Variants in CABCOCO1 observed in about 807,000 individuals in gnomAD.
The protein encoded by CABCOCO1 is ciliary-associated calcium-binding coiled-coil protein 1.
CABCOCO1 carries 28 observed loss-of-function variants against 35.7 expected under a neutral mutation model. That is an observed-to-expected ratio of 0.78 (90% CI 0.58 to 1.07). CABCOCO1 has a LOEUF of 1.07. Among genes scored for constraint, CABCOCO1 ranks in the 50% least tolerant of loss-of-function variants. The probability of loss-of-function intolerance (pLI) is 0.00; values close to 1 mark genes in which losing one functional copy is unlikely to be tolerated. For missense variants in CABCOCO1, 326 were observed against 309.2 expected (o/e 1.05, Z -0.41); for synonymous variants, 95 against 100.1 (o/e 0.95, Z 0.30).
intron 5 of CABCOCO1, among the ~76,000 whole-genome samples, chr10:61,714,891 T>G (rs960645844): frequency 3.9e-5 from 6 of 152,190 alleles, no homozygotes; most frequent in African/African-American, 1.4e-4. Context: ...TTGTTGTGAT[T>G]TCTGTTCTTT....
chr10:61,718,177 C>T (rs1840913217), intron 5 of CABCOCO1, among the ~76,000 whole-genome samples: 1 of 152,122 alleles, frequency 6.6e-6, no homozygotes, highest in South Asian at 2.1e-4. Context: ...AATCTTCCTA[C>T]TTGTTTTCCA....
At chr10:61,710,216 G>A (rs551421917) in intron 5 of CABCOCO1, among the ~76,000 whole-genome samples, 4 of 151,048 alleles carry the variant, frequency 2.6e-5, no homozygotes, top group South Asian at 2.1e-4. Flanking sequence ...TTTTGTGACC[G>A]GAGACTTGAC....
At chr10:61,675,845 T>C (rs990252858) in intron 2 of CABCOCO1, among the ~76,000 whole-genome samples, 1 of 152,056 alleles carries the variant, frequency 6.6e-6, no homozygotes, top group African/African-American at 2.4e-5. Context: ...AAGTCAGTAA[T>C]GTGGAAGACA....
At chr10:61,665,661 G>A (rs555192416) in intron 1 of CABCOCO1, among the ~76,000 whole-genome samples, 61 of 152,132 alleles carry the variant, frequency 4.0e-4, no homozygotes, top group African/African-American at 1.4e-3. Context: ...GCCGAGGCGG[G>A]CGGATCACGA....
chr10:61,756,398 T>A (rs1841898415), intron 5 of CABCOCO1, among the ~76,000 whole-genome samples: 2 of 152,092 alleles, frequency 1.3e-5, no homozygotes, highest in Non-Finnish European at 2.9e-5. Context: ...TATGTTCACT[T>A]AACAGTCCAT....
chr10:61,765,951 G>C lies in CABCOCO1; in HGVS notation c.829G>C (p.Glu277Gln). ...ATTGTCTTCACAGACCGAGATAAAC[G>C]AAAAACTGCAAATACAGGAAGAGGC... ...ILIGIQTEINEKLQIQEEAFN... is the reference protein window; with the variant it reads ...ILIGIQTEINQKLQIQEEAFN... The change falls in exon 8 of 8, where the codon GAA (glutamate) becomes CAA (glutamine). Residue 277 changes from glutamate to glutamine, a missense_variant. By Grantham distance (29) the Glu-to-Gln change is conservative (BLOSUM62 2). Transcript: ENST00000648843. 6.2e-6 allele frequency: 10 copies of C among 1,612,950 alleles called. No individual in the cohort carries two copies. The highest frequency in any genetic ancestry group is 8.5e-6 in the Non-Finnish European group (10 of 1,179,412).
At chr10:61,688,852 A>G (rs1227318875) in intron 4 of CABCOCO1, among the ~76,000 whole-genome samples, 7 of 152,212 alleles carry the variant, frequency 4.6e-5, no homozygotes, top group Non-Finnish European at 2.9e-5. Flanking sequence ...AAAATGCATT[A>G]TCGCAGCTGA....
intron 4 of CABCOCO1, among the ~76,000 whole-genome samples, chr10:61,687,629 A>G (rs1335557503): frequency 1.3e-5 from 2 of 152,112 alleles, no homozygotes; most frequent in African/African-American, 4.8e-5. Flanking sequence ...TCTCTGGGCA[A>G]ATGTTCATCT....
At chr10:61,673,377 C>T (rs1282647543) in intron 2 of CABCOCO1, among the ~76,000 whole-genome samples, 1 of 152,006 alleles carries the variant, frequency 6.6e-6, no homozygotes, top group Non-Finnish European at 1.5e-5. Context: ...TAGTAATCAC[C>T]CATTTAAAAA....
At chr10:61,691,714 A>G (rs1417120873) in intron 5 of CABCOCO1, among the ~76,000 whole-genome samples, 1 of 151,190 alleles carries the variant, frequency 6.6e-6, no homozygotes, top group African/African-American at 2.4e-5. Flanking sequence ...TCATTGTTCA[A>G]CTCCCACTTA....
intron 5 of CABCOCO1, among the ~76,000 whole-genome samples, chr10:61,725,314 G>A (rs931085342): frequency 7.2e-5 from 11 of 152,206 alleles, no homozygotes; most frequent in East Asian, 3.9e-4. Flanking sequence ...GCACACATAC[G>A]TTTACTGCAG....
intron 5 of CABCOCO1, among the ~76,000 whole-genome samples, chr10:61,727,533 T>C (rs1431077041): frequency 6.6e-6 from 1 of 152,138 alleles, no homozygotes; most frequent in African/African-American, 2.4e-5. Flanking sequence ...AAGAAAAAAC[T>C]AGAAATGTCT....
intron 5 of CABCOCO1, among the ~76,000 whole-genome samples, chr10:61,740,801 A>C (rs566930442): frequency 6.6e-6 from 1 of 152,356 alleles, no homozygotes; most frequent in East Asian, 1.9e-4. Context: ...TTAATTTAAC[A>C]TCAAGAAGTA....
intron 5 of CABCOCO1, among the ~76,000 whole-genome samples, chr10:61,726,820 G>A (rs1841161546): frequency 6.8e-6 from 1 of 146,712 alleles, no homozygotes. Flanking sequence ...CACTTTGGGA[G>A]GCGAGCGGGG....
intron 5 of CABCOCO1, among the ~76,000 whole-genome samples, chr10:61,697,449 G>T (rs575917153): frequency 1.3e-5 from 2 of 152,024 alleles, no homozygotes; most frequent in Non-Finnish European, 2.9e-5. Context: ...AGAACAATAT[G>T]AATAGTGTTC....
At chr10:61,694,605 C>T (rs972577375) in intron 5 of CABCOCO1, among the ~76,000 whole-genome samples, 30 of 151,698 alleles carry the variant, frequency 2.0e-4, no homozygotes, top group African/African-American at 7.3e-4. Flanking sequence ...CCACTGAGAA[C>T]AACTAGAAAA....
chr10:61,742,058 T>G (rs1009574666), intron 5 of CABCOCO1, among the ~76,000 whole-genome samples: 2 of 152,012 alleles, frequency 1.3e-5, no homozygotes, highest in African/African-American at 4.8e-5. Context: ...GATAGTGGCG[T>G]GGAAGGTAGA....
At chr10:61,720,303 A>G (rs1840973123) in intron 5 of CABCOCO1, among the ~76,000 whole-genome samples, 1 of 151,526 alleles carries the variant, frequency 6.6e-6, no homozygotes, top group East Asian at 1.9e-4. Flanking sequence ...AAAAAAAAAC[A>G]CTGACTTACA....
chr10:61,718,057 A>G (rs936042669), intron 5 of CABCOCO1, among the ~76,000 whole-genome samples: 1 of 152,174 alleles, frequency 6.6e-6, no homozygotes, highest in Non-Finnish European at 1.5e-5. Flanking sequence ...GTACAATAAA[A>G]ACAACCTGAG....
Sources: allele counts gnomAD v4.1 joint callset (sites outside exome capture counted in the v4.1 genomes callset), GRCh38; gene constraint gnomAD v4.1.1; transcripts MANE v1.5; gene names NCBI Gene and HGNC (gene_info 2026-07-23, HGNC 2026-07-21).